The following PCDH15 variants were observed in gnomAD, a reference collection of about 807,000 sequenced individuals.
PCDH15 encodes the protein protocadherin related 15.
A neutral mutation model predicts 178.5 loss-of-function variants in PCDH15; 129 were observed. The observed-to-expected ratio is 0.72, with a 90% CI of 0.63 to 0.84. The LOEUF is 0.84. Among genes scored for constraint, PCDH15 ranks in the 40% least tolerant of loss-of-function variants. PCDH15 has a pLI of 0.00. For synonymous variants in PCDH15, 800 were observed against 732.0 expected (o/e 1.09, Z -1.50); for missense variants, 2,230 against 2,099.9 (o/e 1.06, Z -1.21).
At chr10:55,412,879 TCACACACACACA>T (rs71014485) in intron 2 of PCDH15, among the ~76,000 whole-genome samples, 49 of 134,822 alleles carry the variant, frequency 3.6e-4, no homozygotes, top group African/African-American at 1.2e-3. Flanking sequence ...TCAACAATAA[TCACACACACACA>T]CACACACACA....
chr10:54,284,036 A>C (rs1383692981), intron 8 of PCDH15, among the ~76,000 whole-genome samples: 1 of 152,018 alleles, frequency 6.6e-6, no homozygotes, highest in African/African-American at 2.4e-5. Flanking sequence ...AGTCTCACTA[A>C]GTTGCTCAGG....
At chr10:54,343,002 G>A (rs935219355) in intron 6 of PCDH15, among the ~76,000 whole-genome samples, 1 of 152,126 alleles carries the variant, frequency 6.6e-6, no homozygotes, top group Non-Finnish European at 1.5e-5. Flanking sequence ...ATAGGCTTAT[G>A]GGTTAAAGGG....
chr10:54,172,724 T>G (rs146027679), intron 13 of PCDH15, among the ~76,000 whole-genome samples: 1 of 152,248 alleles, frequency 6.6e-6, no homozygotes, highest in African/African-American at 2.4e-5. Context: ...ACCATAAGTA[T>G]GAGCGTGAAT....
intron 20 of PCDH15, among the ~76,000 whole-genome samples, chr10:54,012,026 AAGG>A (rs2092602921): frequency 6.6e-6 from 1 of 152,164 alleles, no homozygotes; most frequent in Non-Finnish European, 1.5e-5. Flanking sequence ...AATCCAAACC[AAGG>A]AAACTAAGGA....
chr10:55,128,301 T>G (rs1019689988), intron 2 of PCDH15, among the ~76,000 whole-genome samples: 2 of 151,730 alleles, frequency 1.3e-5, no homozygotes, highest in African/African-American at 4.8e-5. Flanking sequence ...AACAGTACAA[T>G]GGCCATTACA....
intron 1 of PCDH15, among the ~76,000 whole-genome samples, chr10:55,179,379 A>G (rs1839580513): frequency 6.6e-6 from 1 of 152,106 alleles, no homozygotes; most frequent in Non-Finnish European, 1.5e-5. Flanking sequence ...CCTTCAAGCC[A>G]GGATAGTTTG....
At chr10:55,214,922 G>A (rs981270738) in intron 1 of PCDH15, among the ~76,000 whole-genome samples, 19 of 152,080 alleles carry the variant, frequency 1.2e-4, no homozygotes, top group Admixed American at 1.0e-3. Flanking sequence ...TGTAATGGTA[G>A]TGCTTCTGGC....
intron 2 of PCDH15, among the ~76,000 whole-genome samples, chr10:54,538,059 TA>T (rs1220521939): frequency 6.6e-6 from 1 of 152,214 alleles, no homozygotes; most frequent in African/African-American, 2.4e-5. Context: ...TACCATTGTG[TA>T]GGTTGTATTT....
chr10:54,862,144 A>C (rs932135768), intron 3 of PCDH15, among the ~76,000 whole-genome samples: 2 of 152,192 alleles, frequency 1.3e-5, no homozygotes, highest in Non-Finnish European at 2.9e-5. Flanking sequence ...TCTATATACA[A>C]TGCATACCTT....
chr10:55,329,002 CGTGT>C (rs34920648), intron 2 of PCDH15, among the ~76,000 whole-genome samples: 30 of 131,092 alleles, frequency 2.3e-4, no homozygotes, highest in South Asian at 5.0e-4. Flanking sequence ...ATTCCATTTT[CGTGT>C]GTGTGTGTGT....
At chr10:54,332,439 A>T (rs2133936083) in intron 6 of PCDH15, among the ~76,000 whole-genome samples, 1 of 142,678 alleles carries the variant, frequency 7.0e-6, no homozygotes, top group Non-Finnish European at 1.5e-5. Flanking sequence ...TCCTGTCTCT[A>T]TGTGTTTACA....
Position 54,801,087 on chromosome 10 carries a change from A to T in PCDH15, c.-191T>A, listed in dbSNP as rs529897956. 1 of 152,308 alleles carries T rather than the reference A, an allele frequency of 6.6e-6. No homozygotes were observed. Among genetic ancestry groups the T allele is most frequent in the South Asian group, 2.1e-4 (1 of 4,824 alleles). 9.4% of individuals were successfully genotyped at this position (152,308 alleles called of 1,614,324 possible). ...CCTCTTGTTTCTGTGAGGCATTGAT[A>T]TCCACTCTCATATCATCAAGAAAAT... On this transcript the variant is annotated 5_prime_UTR_variant, in exon 1 of 38. Transcript: ENST00000644397.
intron 2 of PCDH15, among the ~76,000 whole-genome samples, chr10:55,370,953 T>G (rs1845494002): frequency 6.6e-6 from 1 of 152,116 alleles, no homozygotes. Flanking sequence ...AGGTTGCATC[T>G]GAATTTGGGT....
intron 2 of PCDH15, among the ~76,000 whole-genome samples, chr10:55,570,206 T>C (rs1373343939): frequency 6.6e-6 from 1 of 151,982 alleles, no homozygotes; most frequent in African/African-American, 2.4e-5. Context: ...TCGTCTGTAA[T>C]AGTCATGTTT....
At chr10:55,256,752 G>T (rs181411305) in intron 1 of PCDH15, among the ~76,000 whole-genome samples, 3 of 152,170 alleles carry the variant, frequency 2.0e-5, no homozygotes, top group Admixed American at 1.3e-4. Flanking sequence ...GGAGCCCACC[G>T]CAGCTCAAGG....
chr10:55,161,434 G>A (rs1429799370), intron 2 of PCDH15, among the ~76,000 whole-genome samples: 1 of 151,980 alleles, frequency 6.6e-6, no homozygotes. Context: ...GGGCTGATTT[G>A]ATAAAGTTTT....
chr10:54,365,443 AAAAT>A (rs1449644073), intron 5 of PCDH15, among the ~76,000 whole-genome samples: 5 of 152,146 alleles, frequency 3.3e-5, no homozygotes, highest in Non-Finnish European at 5.9e-5. Flanking sequence ...CAGGATGGTA[AAAAT>A]AAATAAATAT....
intron 2 of PCDH15, among the ~76,000 whole-genome samples, chr10:55,508,209 G>A (rs1840803175): frequency 6.6e-6 from 1 of 151,680 alleles, no homozygotes; most frequent in African/African-American, 2.4e-5. Context: ...TAACAGAAAT[G>A]CATACATGCC....
chr10:54,119,955 A>T (rs1009850523), intron 15 of PCDH15, among the ~76,000 whole-genome samples: 2 of 151,966 alleles, frequency 1.3e-5, no homozygotes, highest in Non-Finnish European at 2.9e-5. Context: ...CTGGTGTGTG[A>T]TGTTCCCCTC....
Sources: allele counts gnomAD v4.1 joint callset (sites outside exome capture counted in the v4.1 genomes callset), GRCh38; gene constraint gnomAD v4.1.1; transcripts MANE v1.5; gene names NCBI Gene and HGNC (gene_info 2026-07-23, HGNC 2026-07-21).